MMP20: variants seen among roughly 807,000 people sequenced by gnomAD.
The protein encoded by MMP20 is matrix metallopeptidase 20, also known as matrix metalloproteinase-20.
MMP20 carries 50 observed loss-of-function variants against 51.8 expected under a neutral mutation model. The ratio of observed to expected loss-of-function variants is 0.97; its 90% CI spans 0.77 to 1.22. The LOEUF is 1.22. Ranked by LOEUF, MMP20 falls within the 50% of genes most tolerant of loss-of-function variation. The probability of loss-of-function intolerance (pLI) is 0.00; values close to 1 mark genes in which losing one functional copy is unlikely to be tolerated. For synonymous variants in MMP20, 244 were observed against 216.2 expected, an observed-to-expected ratio of 1.13 and a Z score of -1.13; for missense variants, 663 against 601.4, an observed-to-expected ratio of 1.10 and a Z score of -1.07.
Position 102,609,943 on chromosome 11 carries a change from T to C in MMP20, c.611A>G (p.His204Arg), listed in dbSNP as rs786204826. 6.2e-6 allele frequency: 10 copies of C among 1,614,180 alleles called. No homozygotes were observed. The highest frequency in any genetic ancestry group is 8.5e-6 in the Non-Finnish European group (10 of 1,180,034). Residue 204 changes from histidine (H) to arginine (R), a missense_variant, in exon 4 of 10, where the codon CAT becomes CGT. His to Arg is a conservative substitution (Grantham distance 29). Transcript: ENST00000260228. ...AGTCCACTTCTCAGCATTGTCGAAA[T>C]GTGTATCTCCTCCCAGGCCTTCTCC... Reference protein sequence around the residue: ...APGEGLGGDTHFDNAEKWTMG... With the variant: ...APGEGLGGDTRFDNAEKWTMG...
intron 2 of MMP20, among the ~76,000 whole-genome samples, chr11:102,613,214 G>T (rs1859625578): frequency 5.3e-5 from 8 of 152,190 alleles, no homozygotes; most frequent in Admixed American, 5.2e-4. Flanking sequence ...AGAACTTTCT[G>T]CTCTGAAGCC....
At position 102,609,016 on chromosome 11, in the gene MMP20, C is replaced by G; in HGVS notation, c.732G>C (p.Met244Ile). 1 of 1,614,004 alleles carries G rather than the reference C, an allele frequency of 6.2e-7. No homozygotes were observed. The change falls in exon 5 of 10, where the codon ATG becomes ATC. Residue 244 changes from methionine (M) to isoleucine (I), a missense_variant. Coordinates refer to ENST00000260228, the MANE Select transcript of MMP20 (RefSeq NM_004771.4). Reference sequence around the variant, plus strand: ...GATTCTTGTACTTATAAGTTGGGTACATCAGTGCTGATGGGTCTGTGGAAT... The same window carrying G: ...GATTCTTGTACTTATAAGTTGGGTAGATCAGTGCTGATGGGTCTGTGGAAT... The part of the protein sequence containing the change: ...LAHSTDPSAL[M>I]YPTYKYKNPY...
At chr11:102,610,390 C>T (rs892208665) in intron 3 of MMP20, among the ~76,000 whole-genome samples, 4 of 151,992 alleles carry the variant, frequency 2.6e-5, no homozygotes, top group East Asian at 1.9e-4. Flanking sequence ...GGGCGGCATT[C>T]GATAGCAAAA....
intron 8 of MMP20, among the ~76,000 whole-genome samples, chr11:102,589,229 T>C (rs1388971030): frequency 6.6e-6 from 1 of 152,178 alleles, no homozygotes; most frequent in Non-Finnish European, 1.5e-5. Flanking sequence ...TTCAACTGCT[T>C]TCTCTGCCTG....
At chr11:102,620,684 GT>G (rs1732688992) in intron 1 of MMP20, among the ~76,000 whole-genome samples, 2 of 152,152 alleles carry the variant, frequency 1.3e-5, no homozygotes, top group Admixed American at 1.3e-4. Flanking sequence ...AGACTTAAGA[GT>G]TTAAAACTCA....
Position 102,594,914 on chromosome 11 carries a change from T to TC in MMP20, c.954-158_954-157insG, listed in dbSNP as rs59024439. 0.35 allele frequency among the ~76,000 whole-genome samples: 52,884 copies of TC among 150,168 alleles called. 9,603 individuals carry two copies. The highest frequency in any genetic ancestry group is 0.46 in the East Asian group (2,351 of 5,130). The stretch of plus-strand genomic sequence containing the variant: ...CTTGTTTTTTTTCTCTTTTCTTTTT[T>TC]TTTTTTTTTGAGATGGAGTCTTGCT... On this transcript the variant is annotated intron_variant, in intron 6 of 9. Coordinates refer to ENST00000260228, the MANE Select transcript of MMP20 (RefSeq NM_004771.4).
At chr11:102,606,469 G>A in intron 6 of MMP20, 66 bp downstream of exon 6, 2 of 1,601,670 alleles carry the variant, frequency 1.2e-6, no homozygotes, top group Admixed American at 1.7e-5. Flanking sequence ...AAGGACCTGT[G>A]GGACGACGTT....
chr11:102,622,219 C>T (rs1355905386), intron 1 of MMP20, among the ~76,000 whole-genome samples: 1 of 152,074 alleles, frequency 6.6e-6, no homozygotes, highest in Non-Finnish European at 1.5e-5. Flanking sequence ...GAAACGTGGC[C>T]TCTCTGGTGT....
intron 8 of MMP20, among the ~76,000 whole-genome samples, chr11:102,586,543 G>A (rs551487438): frequency 1.3e-3 from 191 of 152,230 alleles, no homozygotes; most frequent in African/African-American, 4.4e-3. Flanking sequence ...GCTGGGCACA[G>A]TGGCTCACAC....
chr11:102,585,515 G>C (rs1859244520), intron 8 of MMP20, among the ~76,000 whole-genome samples: 1 of 151,898 alleles, frequency 6.6e-6, no homozygotes, highest in Non-Finnish European at 1.5e-5. Context: ...TATTCTCTAG[G>C]GTTTTTCTAT....
intron 9 of MMP20, among the ~76,000 whole-genome samples, chr11:102,578,821 A>G (rs1428978494): frequency 2.0e-5 from 3 of 152,182 alleles, no homozygotes; most frequent in African/African-American, 7.2e-5. Flanking sequence ...ACAAACAAAC[A>G]AAAACTTTCC....
intron 8 of MMP20, among the ~76,000 whole-genome samples, chr11:102,579,614 C>G (rs911490550): frequency 6.6e-6 from 1 of 152,136 alleles, no homozygotes; most frequent in East Asian, 1.9e-4. Flanking sequence ...GGGCCTGGCC[C>G]TTGTTGTTTA....
chr11:102,595,409 AC>A (rs377676213), intron 6 of MMP20, among the ~76,000 whole-genome samples: 1 of 151,938 alleles, frequency 6.6e-6, no homozygotes, highest in African/African-American at 2.4e-5. Context: ...TAAGCTATGC[AC>A]CCCCCCATTC....
Position 102,578,548 on chromosome 11 carries a change from C to A in MMP20, c.1351+491G>T, listed in dbSNP as rs35511845. On this transcript the variant is annotated intron_variant, in intron 9 of 9. Coordinates refer to ENST00000260228, the MANE Select transcript of MMP20 (RefSeq NM_004771.4). The stretch of plus-strand genomic sequence containing the variant: ...CTTTAAAAACTTTCCATTAGGTGGC[C>A]AACATGGTGAAACTCCATCTCCACT... Among the ~76,000 whole-genome samples the A allele has an allele frequency of 1.2e-3, 184 of 152,180 alleles. 1 individual carries two copies. The highest frequency in any genetic ancestry group is 2.1e-3 in the Non-Finnish European group (143 of 67,978).
At chr11:102,589,690 C>T (rs1859295033) in intron 8 of MMP20, among the ~76,000 whole-genome samples, 1 of 152,126 alleles carries the variant, frequency 6.6e-6, no homozygotes, top group Admixed American at 6.6e-5. Context: ...CATTCTTAAC[C>T]AGCAAACTCT....
At chr11:102,618,042 C>G (rs1030366582) in intron 1 of MMP20, among the ~76,000 whole-genome samples, 4 of 152,164 alleles carry the variant, frequency 2.6e-5, no homozygotes, top group African/African-American at 9.7e-5. Context: ...AACTTAAGTA[C>G]AGCCTCCTGT....
chr11:102,592,676 C>T (rs188223142), intron 8 of MMP20, among the ~76,000 whole-genome samples: 1 of 152,326 alleles, frequency 6.6e-6, no homozygotes. Flanking sequence ...TGCTTAGAAT[C>T]TGCTTTTGCT....
intron 8 of MMP20, among the ~76,000 whole-genome samples, chr11:102,584,956 T>A (rs889622760): frequency 6.6e-6 from 1 of 152,156 alleles, no homozygotes; most frequent in South Asian, 2.1e-4. Flanking sequence ...ATTTCCTTAC[T>A]CTAAATTTTA....
At chr11:102,596,365 A>T (rs918917541) in intron 6 of MMP20, among the ~76,000 whole-genome samples, 2 of 152,226 alleles carry the variant, frequency 1.3e-5, no homozygotes, top group Non-Finnish European at 2.9e-5. Context: ...TAGAGTTTTA[A>T]CTCCACTGCT....
Sources: gnomAD v4.1 joint callset for allele counts (sites outside exome capture counted in the v4.1 genomes callset) on GRCh38, gnomAD v4.1.1 for gene constraint, MANE v1.5 for transcripts, NCBI Gene and HGNC (gene_info 2026-07-23, HGNC 2026-07-21) for gene names.